Variants in SLC39A10 observed in about 807,000 individuals in gnomAD.
SLC39A10 encodes zinc transporter ZIP10.
Under a neutral mutation model 65.1 loss-of-function variants are expected in SLC39A10, and 13 were observed. That is an observed-to-expected ratio of 0.20 (90% CI 0.13 to 0.32). The LOEUF (loss-of-function observed/expected upper bound fraction) is 0.32. Ranked by LOEUF, SLC39A10 falls within the 10% of genes least tolerant of loss-of-function variation. The probability of loss-of-function intolerance (pLI) is 1.00; values close to 1 mark genes in which losing one functional copy is unlikely to be tolerated. For missense variants in SLC39A10, 831 were observed against 1,018.4 expected (o/e 0.82, Z 2.50); for synonymous variants, 321 against 342.2 (o/e 0.94, Z 0.68).
chr2:195,722,518 C>T (rs115794928), intron 8 of SLC39A10, among the ~76,000 whole-genome samples: 105 of 152,244 alleles, frequency 6.9e-4, no homozygotes, highest in African/African-American at 2.4e-3. Context: ...TACAATAGGA[C>T]CAGGTCAGTG....
intron 4 of SLC39A10, 48 bp from the exon 5 acceptor site, chr2:195,708,608 T>A (rs1691491755): frequency 7.2e-7 from 1 of 1,385,484 alleles, no homozygotes; most frequent in African/African-American, 1.5e-5. Context: ...AAATTTTAAA[T>A]AGCATTTCAA....
At chr2:195,625,097 A>G (rs952397863) in intron 2 of SLC39A10, among the ~76,000 whole-genome samples, 2 of 149,430 alleles carry the variant, frequency 1.3e-5, no homozygotes, top group Admixed American at 1.3e-4. Context: ...GGCGCCTGTA[A>G]TCCCAGCTAC....
intron 2 of SLC39A10, among the ~76,000 whole-genome samples, chr2:195,619,342 G>C (rs958956866): frequency 3.3e-5 from 5 of 152,186 alleles, no homozygotes; most frequent in African/African-American, 9.7e-5. Flanking sequence ...TAATAAAATT[G>C]ATTGACCTTT....
intron 2 of SLC39A10, among the ~76,000 whole-genome samples, chr2:195,681,647 C>T (rs1273587160): frequency 2.6e-5 from 4 of 152,040 alleles, no homozygotes; most frequent in Non-Finnish European, 4.4e-5. Flanking sequence ...TTTTGTAGCA[C>T]GTATCTGAAG....
At chr2:195,667,097 C>T (rs1689664038) in intron 1 of SLC39A10, among the ~76,000 whole-genome samples, 2 of 151,900 alleles carry the variant, frequency 1.3e-5, no homozygotes, top group Admixed American at 6.5e-5. Context: ...TTTATATTCT[C>T]TCTCAAGTTA....
chr2:195,666,405 A>G (rs995841097), intron 1 of SLC39A10, among the ~76,000 whole-genome samples: 2 of 152,232 alleles, frequency 1.3e-5, no homozygotes, highest in African/African-American at 2.4e-5. Context: ...GTGAAAATGC[A>G]TGGAATAATA....
intron 2 of SLC39A10, 79 bp downstream of exon 2, chr2:195,681,129 C>A: frequency 7.4e-7 from 1 of 1,349,600 alleles, no homozygotes; most frequent in Non-Finnish European, 1.0e-6. Context: ...GGATAAGTAA[C>A]AGTGGAGTAT....
intron 9 of SLC39A10, among the ~76,000 whole-genome samples, chr2:195,734,404 G>A (rs1692521191): frequency 6.6e-6 from 1 of 151,992 alleles, no homozygotes; most frequent in Non-Finnish European, 1.5e-5. Flanking sequence ...CCCATGATCC[G>A]CCCACCTCGG....
intron 1 of SLC39A10, among the ~76,000 whole-genome samples, chr2:195,673,305 C>G (rs961846256): frequency 6.6e-6 from 1 of 152,110 alleles, no homozygotes; most frequent in African/African-American, 2.4e-5. Flanking sequence ...GCTTCTGACA[C>G]GCCACCATGC....
upstream of SLC39A10, among the ~76,000 whole-genome samples, chr2:195,656,061 A>G (rs1174589586): frequency 6.6e-6 from 1 of 152,016 alleles, no homozygotes; most frequent in African/African-American, 2.4e-5. Flanking sequence ...AAATTAATAT[A>G]TATGTGGAGT....
chr2:195,725,777 AAAT>A (rs1351476249), intron 8 of SLC39A10, among the ~76,000 whole-genome samples: 1 of 152,194 alleles, frequency 6.6e-6, no homozygotes, highest in Non-Finnish European at 1.5e-5. Context: ...CTGAGCAATA[AAAT>A]AATTTTCTGA....
rs1692331866 is a variant in SLC39A10, at chr2:195,728,780, CTAAA to C, written c.2337+433_2337+436del. Reference sequence around the variant, plus strand: ...AGGATTTATGTAATTTCTCTTATTTCTAAATTTAGCTTAAAGTTAAATGTAAATG... The same window carrying C: ...AGGATTTATGTAATTTCTCTTATTTCTTTAGCTTAAAGTTAAATGTAAATG... On this transcript the variant is annotated intron_variant, in intron 9 of 9. Transcript: ENST00000359634. The surrounding 1 kb of genome is among the most constrained non-coding windows in gnomAD (Gnocchi z 4.4). Among the ~76,000 whole-genome samples, 1 of 152,040 alleles carries C rather than the reference CTAAA, an allele frequency of 6.6e-6. No individual in the cohort carries two copies. The highest frequency in any genetic ancestry group is 1.5e-5 in the Non-Finnish European group (1 of 68,014).
intron 5 of SLC39A10, among the ~76,000 whole-genome samples, chr2:195,709,746 G>C (rs1042372710): frequency 6.6e-6 from 1 of 152,100 alleles, no homozygotes; most frequent in Non-Finnish European, 1.5e-5. Context: ...AGCAGTCTCA[G>C]TTTCAGTTAT....
At chr2:195,642,726 G>A (rs143886999) in intron 2 of SLC39A10, among the ~76,000 whole-genome samples, 19 of 152,346 alleles carry the variant, frequency 1.2e-4, no homozygotes, top group African/African-American at 4.3e-4. Context: ...GCTGTTGGGA[G>A]AGGGCTAGAA....
chr2:195,650,016 A>G (rs896759732), intron 2 of SLC39A10, among the ~76,000 whole-genome samples: 1 of 152,212 alleles, frequency 6.6e-6, no homozygotes, highest in South Asian at 2.1e-4. Flanking sequence ...ACGGAGGTAT[A>G]AATAGGTAAT....
intron 2 of SLC39A10, among the ~76,000 whole-genome samples, chr2:195,618,896 C>T (rs549244155): frequency 1.3e-5 from 2 of 152,116 alleles, no homozygotes; most frequent in African/African-American, 2.4e-5. Context: ...AGTTTGGGAC[C>T]AGCCTGGTCA....
At chr2:195,716,025 TC>T (rs1383605619) in intron 6 of SLC39A10, among the ~76,000 whole-genome samples, 2 of 152,018 alleles carry the variant, frequency 1.3e-5, no homozygotes, top group Non-Finnish European at 2.9e-5. Flanking sequence ...AAAACAAGTG[TC>T]AGAGTATCAC....
intron 8 of SLC39A10, among the ~76,000 whole-genome samples, chr2:195,726,497 T>G (rs1692244524): frequency 6.6e-6 from 1 of 151,704 alleles, no homozygotes; most frequent in African/African-American, 2.4e-5. Context: ...AGAGAAGAGA[T>G]AAAAGCTGAT....
intron 1 of SLC39A10, among the ~76,000 whole-genome samples, chr2:195,676,579 G>A (rs1006307980): frequency 2.0e-5 from 3 of 152,124 alleles, no homozygotes; most frequent in African/African-American, 7.2e-5. Context: ...ACTTTTGTGT[G>A]TAGTGTGAGG....
Sources: allele counts gnomAD v4.1 joint callset (sites outside exome capture counted in the v4.1 genomes callset), GRCh38; gene constraint gnomAD v4.1.1; non-coding constraint Gnocchi (gnomAD v3.1); transcripts MANE v1.5; gene names NCBI Gene and HGNC (gene_info 2026-07-23, HGNC 2026-07-21).